The following WDR25 variants were observed in gnomAD, a reference collection of about 807,000 sequenced individuals.
WDR25 encodes the protein WD repeat-containing protein 25.
In WDR25, 35 loss-of-function variants were observed where a neutral mutation model predicts 47.7. The observed-to-expected ratio is 0.73, with a 90% CI of 0.56 to 0.97. The LOEUF is 0.97. Among genes scored for constraint, WDR25 ranks in the 50% least tolerant of loss-of-function variants. The pLI, the probability that WDR25 is intolerant of heterozygous loss-of-function variation, is 0.00. For synonymous variants in WDR25, 248 were observed against 278.9 expected, an observed-to-expected ratio of 0.89 and a Z score of 1.10; for missense variants, 634 against 704.7, an observed-to-expected ratio of 0.90 and a Z score of 1.14.
At chr14:100,451,168 A>G (rs900905749) in intron 2 of WDR25, among the ~76,000 whole-genome samples, 4 of 152,154 alleles carry the variant, frequency 2.6e-5, no homozygotes, top group South Asian at 2.1e-4. Context: ...CCAGGCAGGC[A>G]GTAGAATTCA....
intron 2 of WDR25, among the ~76,000 whole-genome samples, chr14:100,408,536 C>T (rs143744461): frequency 6.6e-6 from 1 of 151,504 alleles, no homozygotes; most frequent in African/African-American, 2.4e-5. Context: ...CCCCTCCAAT[C>T]CCTGCTCCCC....
In WDR25 at chr14:100,520,254, A is replaced by G. The variant is rs185178682; in HGVS notation, c.1102-5616A>G. 7.9e-5 allele frequency among the ~76,000 whole-genome samples: 12 copies of G among 151,990 alleles called. No homozygotes were observed. The East Asian group carries it at 2.1e-3, about 27-fold the overall frequency. On this transcript the variant is annotated intron_variant, in intron 4 of 6. Transcript: ENST00000402312. ...TTTTCTTGTGGAGACAAAATATATT[A>G]TTGTTTATACTGATTTTTCCAATTC...
intron 5 of WDR25, among the ~76,000 whole-genome samples, chr14:100,526,881 T>C: frequency 2.5e-5 from 1 of 39,792 alleles, no homozygotes; most frequent in African/African-American, 9.3e-5. Flanking sequence ...CATCACTATC[T>C]TTATACCCAC....
chr14:100,381,493 A>C lies in WDR25; in HGVS notation c.569A>C (p.Glu190Ala). ...AGACAGCGGCAGGCATTAAGCACGG[A>C]GACAGGCAAGGGTAAAGACGTGGAG... ...RLRQRQALST[E>A]TGKGKDVEPQ... is the part of the protein sequence containing the mutation. Residue 190 changes from glutamate to alanine, a missense_variant, in exon 2 of 7, where the codon GAG (glutamate) becomes GCG (alanine). By Grantham distance (107) the Glu-to-Ala change is moderately radical (BLOSUM62 -1). Coordinates refer to ENST00000402312, the MANE Select transcript of WDR25 (RefSeq NM_001161476.3). 6.2e-7 allele frequency: 1 copy of C among 1,614,124 alleles called. No homozygotes were observed. Among genetic ancestry groups the C allele is most frequent in the African/African-American group, 1.3e-5 (1 of 75,030 alleles).
At chr14:100,486,659 C>T (rs1020412598) in intron 4 of WDR25, among the ~76,000 whole-genome samples, 1 of 152,204 alleles carries the variant, frequency 6.6e-6, no homozygotes, top group East Asian at 1.9e-4. Flanking sequence ...CTTCTTATCC[C>T]TGTGGGCTCC....
At position 100,484,075 on chromosome 14, in the gene WDR25, G is replaced by T. The variant is rs772450317; in HGVS notation, c.1052G>T (p.Cys351Phe). The change falls in exon 4 of 7, where the codon TGT (cysteine) becomes TTT (phenylalanine). Residue 351 changes from cysteine (C) to phenylalanine (F), a missense_variant. Transcript: ENST00000402312. ...FHPKDHNIFL[C>F]GGFSSEMKAW... Reference sequence around the variant, plus strand: ...CCAAAAGACCACAACATCTTTTTATGTGGAGGCTTCAGCTCTGAAATGAAA... The same window carrying T: ...CCAAAAGACCACAACATCTTTTTATTTGGAGGCTTCAGCTCTGAAATGAAA... The T allele has an allele frequency of 6.2e-7, 1 of 1,614,010 alleles. No individual in the cohort carries two copies. The highest frequency in any genetic ancestry group is 1.1e-5 in the South Asian group (1 of 91,016).
At chr14:100,463,581 C>T (rs1361282603) in intron 2 of WDR25, among the ~76,000 whole-genome samples, 1 of 152,222 alleles carries the variant, frequency 6.6e-6, no homozygotes, top group Non-Finnish European at 1.5e-5. Context: ...TAGGAGAGCT[C>T]ATCCAGCTCA....
At chr14:100,492,610 AATAC>A (rs1201099646) in intron 4 of WDR25, among the ~76,000 whole-genome samples, 2 of 152,202 alleles carry the variant, frequency 1.3e-5, no homozygotes, top group African/African-American at 4.8e-5. Context: ...AATCTTCTAT[AATAC>A]ATATTGCCAC....
chr14:100,411,674 C>A (rs1393821945), intron 2 of WDR25, among the ~76,000 whole-genome samples: 1 of 151,988 alleles, frequency 6.6e-6, no homozygotes, highest in Non-Finnish European at 1.5e-5. Context: ...GTAGCTGGGA[C>A]TACAGGCACC....
intron 4 of WDR25, among the ~76,000 whole-genome samples, chr14:100,487,048 G>A (rs1011227183): frequency 1.3e-5 from 2 of 151,730 alleles, no homozygotes; most frequent in African/African-American, 2.4e-5. Context: ...ATTTGTATAC[G>A]CAATTTTGTG....
At chr14:100,435,991 T>C (rs1216643807) in intron 2 of WDR25, among the ~76,000 whole-genome samples, 1 of 152,164 alleles carries the variant, frequency 6.6e-6, no homozygotes, top group East Asian at 1.9e-4. Context: ...AGCAAATCAT[T>C]AATCTTTTTG....
chr14:100,495,842 A>G (rs550715803), intron 4 of WDR25, among the ~76,000 whole-genome samples: 3 of 152,282 alleles, frequency 2.0e-5, no homozygotes, highest in African/African-American at 7.2e-5. Context: ...CATTGTATGG[A>G]TATACACATT....
Position 100,483,921 on chromosome 14 carries a change from G to A in WDR25, c.971-73G>A, listed in dbSNP as rs1261853799. The A allele has an allele frequency of 2.0e-6, 3 of 1,514,770 alleles. No individual in the cohort carries two copies. In the Admixed American group the frequency reaches 6.3e-5, roughly 32 times the overall value. 93.8% of individuals were successfully genotyped at this position (1,514,770 alleles called of 1,614,324 possible). A position where few individuals can be genotyped will look rare whatever the true frequency, so the allele number is the denominator to read the frequency against. ...TTTGCTATGAGCCCCATACCAGATGGCATCTTAGTTTTAAGATATTTGTTT... is the reference window on the plus strand; with the variant it reads ...TTTGCTATGAGCCCCATACCAGATGACATCTTAGTTTTAAGATATTTGTTT... On this transcript the variant is annotated intron_variant, in intron 3 of 6. Coordinates refer to ENST00000402312, the MANE Select transcript of WDR25 (RefSeq NM_001161476.3).
Position 100,529,159 on chromosome 14 carries a change from C to T in WDR25, c.1364C>T (p.Thr455Ile). 4 of 1,610,160 alleles carry T rather than the reference C, an allele frequency of 2.5e-6. No individual in the cohort carries two copies. Among genetic ancestry groups the T allele is most frequent in the Non-Finnish European group, 3.4e-6 (4 of 1,176,938 alleles). The change falls in exon 6 of 7, where the codon ACT (threonine) becomes ATT (isoleucine). Residue 455 changes from threonine to isoleucine, a missense_variant. Physicochemically the swap from Thr to Ile is moderately conservative, Grantham distance 89. Coordinates refer to ENST00000402312, the MANE Select transcript of WDR25 (RefSeq NM_001161476.3). The surrounding 1 kb of genome is among the most constrained non-coding windows in gnomAD (Gnocchi z 5.1). ...TNGNYLALFSTVWPYRMSRRR... is the reference protein window; with the variant it reads ...TNGNYLALFSIVWPYRMSRRR... Reference sequence around the variant, plus strand: ...GGCAACTACCTGGCCCTTTTCTCCACTGTGTGGCCCTACCGGATGAGCAGA... The same window carrying T: ...GGCAACTACCTGGCCCTTTTCTCCATTGTGTGGCCCTACCGGATGAGCAGA...
chr14:100,489,990 T>A (rs1900509310), intron 4 of WDR25, among the ~76,000 whole-genome samples: 2 of 152,228 alleles, frequency 1.3e-5, no homozygotes, highest in African/African-American at 2.4e-5. Flanking sequence ...ACTTTTATTA[T>A]TATTTTTAAA....
chr14:100,386,528 A>T (rs1897021439), intron 2 of WDR25, among the ~76,000 whole-genome samples: 1 of 152,244 alleles, frequency 6.6e-6, no homozygotes, highest in Admixed American at 6.5e-5. Flanking sequence ...TTTTGTTTAA[A>T]AAATAATCAG....
chr14:100,513,015 G>A (rs1230889964), intron 4 of WDR25, among the ~76,000 whole-genome samples: 1 of 152,042 alleles, frequency 6.6e-6, no homozygotes, highest in African/African-American at 2.4e-5. Flanking sequence ...GTCTATCTTG[G>A]TAAATGTTCT....
At chr14:100,421,073 C>T (rs1191716561) in intron 2 of WDR25, among the ~76,000 whole-genome samples, 3 of 152,184 alleles carry the variant, frequency 2.0e-5, no homozygotes, top group East Asian at 1.9e-4. Context: ...GCATGTCCCT[C>T]GTCTGCAACT....
At chr14:100,421,264 C>T (rs952746164) in intron 2 of WDR25, among the ~76,000 whole-genome samples, 10 of 152,312 alleles carry the variant, frequency 6.6e-5, no homozygotes, top group South Asian at 2.1e-4. Flanking sequence ...CCTTTGCTCT[C>T]TCCTTGATTC....
Sources: allele counts gnomAD v4.1 joint callset (sites outside exome capture counted in the v4.1 genomes callset), GRCh38; gene constraint gnomAD v4.1.1; non-coding constraint Gnocchi (gnomAD v3.1); transcripts MANE v1.5; gene names NCBI Gene and HGNC (gene_info 2026-07-23, HGNC 2026-07-21).